TMEM117: variants seen among roughly 807,000 people sequenced by gnomAD.
The protein encoded by TMEM117 is transmembrane protein 117.
Under a neutral mutation model 52.4 loss-of-function variants are expected in TMEM117, and 27 were observed. The observed-to-expected ratio is 0.51, with a 90% CI of 0.38 to 0.71. TMEM117 has a LOEUF of 0.71. Ranked by LOEUF, TMEM117 falls within the 30% of genes least tolerant of loss-of-function variation. The pLI is 0.00. For synonymous variants in TMEM117, 215 were observed against 206.3 expected (o/e 1.04, Z -0.36); for missense variants, 556 against 630.5 (o/e 0.88, Z 1.26).
chr12:44,314,354 A>G (rs1164884717), intron 6 of TMEM117, among the ~76,000 whole-genome samples: 4 of 152,186 alleles, frequency 2.6e-5, no homozygotes, highest in Non-Finnish European at 4.4e-5. Flanking sequence ...TAAGATGATC[A>G]TACAGTTTTG....
chr12:43,937,392 G>T (rs1341247225), intron 2 of TMEM117, among the ~76,000 whole-genome samples: 1 of 152,174 alleles, frequency 6.6e-6, no homozygotes, highest in East Asian at 1.9e-4. Context: ...TTGTGTAGTG[G>T]CTTCTCAACT....
At chr12:44,307,802 C>T (rs1255717232) in intron 6 of TMEM117, among the ~76,000 whole-genome samples, 9 of 152,132 alleles carry the variant, frequency 5.9e-5, no homozygotes. Context: ...GCATGAAGTG[C>T]CAAGGAGGAT....
chr12:43,821,049 C>A, the TMEM117 span, among the ~76,000 whole-genome samples: 1 of 149,984 alleles, frequency 6.7e-6, no homozygotes, highest in African/African-American at 2.5e-5. Flanking sequence ...GAGTCGAGAT[C>A]GCGCCACTGC....
At chr12:44,013,319 G>A (rs1467839603) in intron 3 of TMEM117, among the ~76,000 whole-genome samples, 1 of 152,148 alleles carries the variant, frequency 6.6e-6, no homozygotes, top group Non-Finnish European at 1.5e-5. Context: ...AAGTCACCGC[G>A]CCCAGTCTAG....
At chr12:43,797,870 T>C in the TMEM117 span, 4 of 1,601,516 alleles carry the variant, frequency 2.5e-6, no homozygotes, top group Middle Eastern at 1.7e-4. Context: ...GTTTAGCAGT[T>C]AGCAGTATCC....
intron 6 of TMEM117, among the ~76,000 whole-genome samples, chr12:44,304,505 G>T (rs1237432391): frequency 6.6e-6 from 1 of 152,166 alleles, no homozygotes; most frequent in African/African-American, 2.4e-5. Flanking sequence ...CCAAGGGAGT[G>T]CTTGAACCAC....
At chr12:43,968,962 G>A (rs1289266149) in intron 3 of TMEM117, among the ~76,000 whole-genome samples, 2 of 152,096 alleles carry the variant, frequency 1.3e-5, no homozygotes, top group Non-Finnish European at 2.9e-5. Flanking sequence ...CCTTTTAGTA[G>A]GAAATGAGTT....
intron 5 of TMEM117, among the ~76,000 whole-genome samples, chr12:44,224,429 G>A (rs1287588121): frequency 1.3e-5 from 2 of 151,714 alleles, no homozygotes; most frequent in East Asian, 1.9e-4. Flanking sequence ...TCCTTCATCT[G>A]TGCCAACTCT....
intron 3 of TMEM117, chr12:44,008,883 A>G (rs755661190): frequency 2.6e-5 from 11 of 427,114 alleles, no homozygotes; most frequent in African/African-American, 4.3e-5. Flanking sequence ...CCGCACCATG[A>G]GCATCTATAT....
chr12:43,933,452 C>T (rs1015024049), intron 2 of TMEM117, among the ~76,000 whole-genome samples: 3 of 152,058 alleles, frequency 2.0e-5, no homozygotes, highest in African/African-American at 4.8e-5. Context: ...CTGCCCGCCT[C>T]GGCCTTCCAA....
chr12:43,948,122 G>C (rs1945162986), intron 3 of TMEM117, among the ~76,000 whole-genome samples: 1 of 152,002 alleles, frequency 6.6e-6, no homozygotes, highest in Admixed American at 6.6e-5. Flanking sequence ...CATCTCTGGG[G>C]AGCCAAGCTG....
chr12:44,154,347 T>A (rs1948796594), intron 4 of TMEM117, among the ~76,000 whole-genome samples: 2 of 152,230 alleles, frequency 1.3e-5, no homozygotes, highest in South Asian at 4.1e-4. Flanking sequence ...TGGGCCGTGT[T>A]AAGAATTCCA....
intron 4 of TMEM117, among the ~76,000 whole-genome samples, chr12:44,178,308 A>G (rs990421174): frequency 1.3e-5 from 2 of 152,170 alleles, no homozygotes; most frequent in Non-Finnish European, 1.5e-5. Context: ...CCCATTGTGT[A>G]CCTATCTAAT....
At position 44,124,228 on chromosome 12, in the gene TMEM117, G is replaced by A. The variant is rs542285077; in HGVS notation, c.411-19297G>A. Among the ~76,000 whole-genome samples, 4 of 152,240 alleles carry A rather than the reference G, an allele frequency of 2.6e-5. No individual in the cohort carries two copies. In the East Asian group the frequency reaches 7.7e-4, roughly 29 times the overall value. ...TACCATGTTGGTGGTGTACAAGAGT[G>A]CTAGCAATTTTTCACATTGATTTTG... On this transcript the variant is annotated intron_variant, in intron 3 of 7. Transcript: ENST00000266534.
intron 4 of TMEM117, among the ~76,000 whole-genome samples, chr12:44,185,915 CGT>C (rs1455847620): frequency 4.0e-5 from 6 of 149,820 alleles, no homozygotes; most frequent in East Asian, 3.9e-4. Context: ...CACACACACA[CGT>C]GCTCCTACTT....
intron 6 of TMEM117, among the ~76,000 whole-genome samples, chr12:44,344,890 C>G (rs1951464500): frequency 6.6e-6 from 1 of 151,998 alleles, no homozygotes; most frequent in African/African-American, 2.4e-5. Flanking sequence ...TGCAGGGTCT[C>G]TTATGCCTTC....
intron 5 of TMEM117, among the ~76,000 whole-genome samples, chr12:44,261,577 A>G (rs1950321354): frequency 1.3e-5 from 2 of 152,176 alleles, no homozygotes; most frequent in Non-Finnish European, 2.9e-5. Context: ...TAGTATCGCT[A>G]TGGGGAGAAG....
intron 3 of TMEM117, among the ~76,000 whole-genome samples, chr12:44,123,833 G>A (rs987061005): frequency 2.4e-4 from 36 of 152,214 alleles, no homozygotes; most frequent in African/African-American, 4.6e-4. Context: ...GTCAGGTAGC[G>A]TAATGCCTCC....
At chr12:44,024,074 CTAA>C (rs1368813845) in intron 3 of TMEM117, among the ~76,000 whole-genome samples, 2 of 152,098 alleles carry the variant, frequency 1.3e-5, no homozygotes, top group Non-Finnish European at 2.9e-5. Flanking sequence ...TTTCAGAAGA[CTAA>C]CATGGTAACG....
Sources: gnomAD v4.1 joint callset for allele counts (sites outside exome capture counted in the v4.1 genomes callset) on GRCh38, gnomAD v4.1.1 for gene constraint, MANE v1.5 for transcripts, NCBI Gene and HGNC (gene_info 2026-07-23, HGNC 2026-07-21) for gene names.